Variants in FRMD6 observed in about 807,000 individuals in gnomAD.
FRMD6 encodes FERM domain containing 6.
A neutral mutation model predicts 73.2 loss-of-function variants in FRMD6; 37 were observed. That is an observed-to-expected ratio of 0.51 (90% CI 0.39 to 0.66). The LOEUF is 0.66. Ranked by LOEUF, FRMD6 falls within the 30% of genes least tolerant of loss-of-function variation. The pLI is 0.00. For synonymous variants in FRMD6, 273 were observed against 282.2 expected, an observed-to-expected ratio of 0.97 and a Z score of 0.33; for missense variants, 714 against 780.5, an observed-to-expected ratio of 0.91 and a Z score of 1.02.
chr14:51,568,209 G>A (rs1887888918), intron 1 of FRMD6, among the ~76,000 whole-genome samples: 1 of 152,226 alleles, frequency 6.6e-6, no homozygotes, highest in Admixed American at 6.5e-5. Flanking sequence ...GACTGTGAAT[G>A]AGAAATTTTC....
chr14:51,418,053 T>G, the FRMD6 span, among the ~76,000 whole-genome samples: 3 of 152,226 alleles, frequency 2.0e-5, no homozygotes, highest in Admixed American at 2.0e-4. Context: ...GCCATTCATC[T>G]AATCTTTTTT....
the FRMD6 span, among the ~76,000 whole-genome samples, chr14:51,476,133 T>G: frequency 6.6e-6 from 1 of 152,126 alleles, no homozygotes; most frequent in East Asian, 1.9e-4. Context: ...ACTATCAATT[T>G]CTCTCTTTCC....
At chr14:51,482,268 C>A in the FRMD6 span, among the ~76,000 whole-genome samples, 1 of 152,034 alleles carries the variant, frequency 6.6e-6, no homozygotes, top group Admixed American at 6.5e-5. Context: ...GGGCTTATGT[C>A]ATGGCACACA....
At chr14:51,721,186 A>C (rs1216452254) in intron 11 of FRMD6, among the ~76,000 whole-genome samples, 4 of 152,214 alleles carry the variant, frequency 2.6e-5, no homozygotes, top group African/African-American at 9.6e-5. Flanking sequence ...GGTATCAGGC[A>C]AAGGGCCCAT....
chr14:51,400,584 T>G, the FRMD6 span, among the ~76,000 whole-genome samples: 3 of 152,312 alleles, frequency 2.0e-5, no homozygotes, highest in South Asian at 6.2e-4. Context: ...AATAAAAATC[T>G]CTCTTTTGTA....
In FRMD6 at chr14:51,611,657, C is replaced by G. The variant is rs987806232; in HGVS notation, c.-147+41247C>G. 7.2e-5 allele frequency among the ~76,000 whole-genome samples: 11 copies of G among 152,234 alleles called. No individual in the cohort carries two copies. In the East Asian group the frequency reaches 1.9e-3, roughly 27 times the overall value. ...GGGTAGGGCCCAAGAATCTGCATTTCTAACAAGCTTCCAGATGATGCGCAT... is the reference window on the plus strand; with the variant it reads ...GGGTAGGGCCCAAGAATCTGCATTTGTAACAAGCTTCCAGATGATGCGCAT... On this transcript the variant is annotated intron_variant, in intron 2 of 14. Coordinates refer to the FRMD6 transcript ENST00000356218.
At chr14:51,479,900 G>A in the FRMD6 span, among the ~76,000 whole-genome samples, 347 of 152,298 alleles carry the variant, frequency 2.3e-3, 17 homozygotes, top group East Asian at 0.062. Context: ...CAGTGACTGT[G>A]TATTGACTTC....
chr14:51,408,234 G>T, the FRMD6 span, among the ~76,000 whole-genome samples: 3 of 151,184 alleles, frequency 2.0e-5, no homozygotes, highest in Admixed American at 2.0e-4. Flanking sequence ...ATGACCCACT[G>T]CAGCCTCTAC....
At chr14:51,558,817 C>T (rs1887307924) in intron 1 of FRMD6, among the ~76,000 whole-genome samples, 1 of 152,146 alleles carries the variant, frequency 6.6e-6, no homozygotes, top group African/African-American at 2.4e-5. Flanking sequence ...TCTTCACTGT[C>T]AGGATGCCAC....
At position 51,640,509 on chromosome 14, in the gene FRMD6, A is replaced by G. The variant is rs149046479; in HGVS notation, c.-146-49182A>G. On this transcript the variant is annotated intron_variant, in intron 2 of 14. Coordinates refer to the FRMD6 transcript ENST00000356218. ...TTGCCAAGTTTGGAAACCACTGTCT[A>G]AAAGCAATCAGCTAATAAGTCTAAG... Among the ~76,000 whole-genome samples the G allele has an allele frequency of 1.5e-3, 224 of 152,368 alleles. 1 individual carries two copies. The highest frequency in any genetic ancestry group is 5.1e-3 in the African/African-American group (214 of 41,592).
intron 1 of FRMD6, among the ~76,000 whole-genome samples, chr14:51,543,971 G>T (rs143207375): frequency 2.6e-5 from 4 of 151,934 alleles, no homozygotes; most frequent in African/African-American, 9.7e-5. Context: ...TTGCTGTGAC[G>T]TAGGTTTCTT....
At chr14:51,575,114 C>T (rs141032672) in intron 2 of FRMD6, among the ~76,000 whole-genome samples, 1 of 152,086 alleles carries the variant, frequency 6.6e-6, no homozygotes, top group Non-Finnish European at 1.5e-5. Flanking sequence ...GAGATGATGC[C>T]CCACCAGTCA....
At chr14:51,425,866 A>G in the FRMD6 span, among the ~76,000 whole-genome samples, 1 of 151,950 alleles carries the variant, frequency 6.6e-6, no homozygotes, top group African/African-American at 2.4e-5. Context: ...ACTATCCTCT[A>G]TGCTCCGCCT....
rs577862670 is a variant in FRMD6 at position 51,603,940 on chromosome 14, GAT to G, written c.-147+33532_-147+33533del. Among the ~76,000 whole-genome samples, 10 of 63,970 alleles carry G rather than the reference GAT, an allele frequency of 1.6e-4. No individual in the cohort carries two copies. In the East Asian group the frequency reaches 3.8e-3, roughly 24 times the overall value. 42.0% of individuals were successfully genotyped at this position (63,970 alleles called of 152,430 possible). A position where few individuals can be genotyped will look rare whatever the true frequency, so the allele number is the denominator to read the frequency against. ...TGCCTTCCACGGTAATTTCTCTTGT[GAT>G]ACAAAAAAAAAAAAAAAGTCCCTAA... On this transcript the variant is annotated intron_variant, in intron 2 of 14. Transcript: ENST00000356218.
At chr14:51,497,153 A>G (rs1325780118) in intron 1 of FRMD6, among the ~76,000 whole-genome samples, 1 of 152,084 alleles carries the variant, frequency 6.6e-6, no homozygotes, top group Non-Finnish European at 1.5e-5. Flanking sequence ...CCTCCACTCA[A>G]GCAGGCAGAA....
chr14:51,712,323 T>C (rs1023449554), intron 8 of FRMD6, among the ~76,000 whole-genome samples, 160 bp from the exon 9 acceptor site: 7 of 152,226 alleles, frequency 4.6e-5, no homozygotes, highest in Non-Finnish European at 7.3e-5. Flanking sequence ...AGAATTGTTA[T>C]CATGAATCTT....
the FRMD6 span, among the ~76,000 whole-genome samples, chr14:51,445,663 A>T: frequency 6.6e-6 from 1 of 152,184 alleles, no homozygotes; most frequent in Non-Finnish European, 1.5e-5. Context: ...ATCAAATGTA[A>T]TAGGGAAAAA....
At position 51,644,387 on chromosome 14, in the gene FRMD6, A is replaced by ACACACACACACACACACACACTCT. The variant is rs1489278384; in HGVS notation, c.-146-45303_-146-45302insACACACACACACACACACACTCTC. Among the ~76,000 whole-genome samples, 38 of 115,050 alleles carry ACACACACACACACACACACACTCT rather than the reference A, an allele frequency of 3.3e-4. No individual in the cohort carries two copies. The East Asian group carries it at 7.1e-3, about 22-fold the overall frequency. 75.5% of individuals were successfully genotyped at this position (115,050 alleles called of 152,430 possible). ...CACACACACACACACACACACACAC[A>ACACACACACACACACACACACTCT]CTCACTCACTCTCTCTCTCTCTCTC... On this transcript the variant is annotated intron_variant, in intron 2 of 14. Coordinates refer to the FRMD6 transcript ENST00000356218.
intron 2 of FRMD6, chr14:51,570,443 G>A (rs892213888): frequency 1.3e-5 from 2 of 152,040 alleles, no homozygotes; most frequent in Admixed American, 1.3e-4. Context: ...TGTAAACTTT[G>A]TTTCAAAAAA....
Sources: allele counts gnomAD v4.1 joint callset (sites outside exome capture counted in the v4.1 genomes callset), GRCh38; gene constraint gnomAD v4.1.1; transcripts MANE v1.5; gene names NCBI Gene and HGNC (gene_info 2026-07-23, HGNC 2026-07-21).